C10orf90: variants seen among roughly 807,000 people sequenced by gnomAD.
C10orf90 encodes the protein (E2-independent) E3 ubiquitin-conjugating enzyme FATS.
A neutral mutation model predicts 62.5 loss-of-function variants in C10orf90; 56 were observed. The ratio of observed to expected loss-of-function variants is 0.90; its 90% CI spans 0.72 to 1.12. The LOEUF (loss-of-function observed/expected upper bound fraction) is 1.12. C10orf90 is among the 50% of genes most tolerant of loss of function. The pLI, the probability that C10orf90 is intolerant of heterozygous loss-of-function variation, is 0.00. For synonymous variants in C10orf90, 386 were observed against 340.4 expected, an observed-to-expected ratio of 1.13 and a Z score of -1.47; for missense variants, 970 against 880.4, an observed-to-expected ratio of 1.10 and a Z score of -1.29.
chr10:126,663,033 T>C (rs918686334), intron 1 of C10orf90, among the ~76,000 whole-genome samples: 3 of 152,304 alleles, frequency 2.0e-5, no homozygotes, highest in African/African-American at 7.2e-5. Flanking sequence ...TAATACATAT[T>C]TGTTACAAGA....
At chr10:126,658,160 G>C (rs942683131) in intron 1 of C10orf90, among the ~76,000 whole-genome samples, 3 of 152,158 alleles carry the variant, frequency 2.0e-5, no homozygotes, top group African/African-American at 7.2e-5. Flanking sequence ...ATGAGGTCCC[G>C]CTTCCCATTG....
chr10:126,571,242 T>G (rs2134003872), intron 2 of C10orf90, among the ~76,000 whole-genome samples: 1 of 152,344 alleles, frequency 6.6e-6, no homozygotes, highest in South Asian at 2.1e-4. Flanking sequence ...ATGCAGTCAC[T>G]TTTCAAAGAC....
intron 4 of C10orf90, among the ~76,000 whole-genome samples, chr10:126,471,118 T>C (rs1295277608): frequency 6.6e-6 from 1 of 152,096 alleles, no homozygotes; most frequent in East Asian, 1.9e-4. Flanking sequence ...GCAGAGAGGA[T>C]GGAAGCAGTG....
chr10:126,493,920 C>G (rs1861897739), intron 4 of C10orf90, among the ~76,000 whole-genome samples: 1 of 152,214 alleles, frequency 6.6e-6, no homozygotes, highest in Non-Finnish European at 1.5e-5. Context: ...AACACTGTGA[C>G]ATTCAATGGA....
chr10:126,603,938 T>A (rs1845253005), intron 2 of C10orf90, among the ~76,000 whole-genome samples: 1 of 152,020 alleles, frequency 6.6e-6, no homozygotes, highest in Non-Finnish European at 1.5e-5. Context: ...CCAGAGGCCC[T>A]CCCCTTCGAC....
chr10:126,565,664 A>G (rs1279499508), intron 2 of C10orf90, among the ~76,000 whole-genome samples: 3 of 151,644 alleles, frequency 2.0e-5, no homozygotes, highest in Non-Finnish European at 2.9e-5. Context: ...TTGTTGTTTG[A>G]ACAAATTGGA....
At chr10:126,601,804 G>A (rs560778796) in intron 2 of C10orf90, among the ~76,000 whole-genome samples, 1 of 152,386 alleles carries the variant, frequency 6.6e-6, no homozygotes, top group South Asian at 2.1e-4. Flanking sequence ...CCTGGATGCC[G>A]GTGGAGGGAG....
At chr10:126,648,482 A>G (rs773665074) in intron 1 of C10orf90, among the ~76,000 whole-genome samples, 5 of 152,222 alleles carry the variant, frequency 3.3e-5, no homozygotes, top group Non-Finnish European at 7.3e-5. Flanking sequence ...ACTAAGTATC[A>G]TTATTTGGCT....
intron 2 of C10orf90, among the ~76,000 whole-genome samples, chr10:126,557,175 A>G (rs1370716955): frequency 6.6e-6 from 1 of 152,022 alleles, no homozygotes; most frequent in Non-Finnish European, 1.5e-5. Context: ...GCCCATACTC[A>G]CCATTCAGAT....
chr10:126,463,099 A>T (rs1044783818), intron 5 of C10orf90: 1 of 134,780 alleles, frequency 7.4e-6, no homozygotes, highest in African/African-American at 2.9e-5. Flanking sequence ...GCCTTCTGCC[A>T]CACTGTTTCC....
intron 2 of C10orf90, among the ~76,000 whole-genome samples, chr10:126,575,052 G>GA (rs1177505352): frequency 6.6e-6 from 1 of 151,976 alleles, no homozygotes. Flanking sequence ...CATTAGAAAG[G>GA]AAAAAATGAA....
chr10:126,526,078 AAG>A (rs1317595055), intron 2 of C10orf90, among the ~76,000 whole-genome samples: 1 of 150,010 alleles, frequency 6.7e-6, no homozygotes, highest in Non-Finnish European at 1.5e-5. Flanking sequence ...AGCAGAGGCA[AAG>A]AGGGGCAGGG....
At chr10:126,447,835 T>C (rs1359181476) in intron 7 of C10orf90, among the ~76,000 whole-genome samples, 1 of 48,244 alleles carries the variant, frequency 2.1e-5, no homozygotes, top group African/African-American at 1.2e-4. Flanking sequence ...AAGTATCTTT[T>C]CGTTGTTGTT....
At chr10:126,599,436 G>A (rs1354887531) in intron 2 of C10orf90, among the ~76,000 whole-genome samples, 12 of 151,186 alleles carry the variant, frequency 7.9e-5, no homozygotes, top group Non-Finnish European at 1.0e-4. Context: ...TCCTGACCTC[G>A]TGATCCACCT....
In C10orf90 at chr10:126,499,092, G is replaced by T. The variant is rs191767205; in HGVS notation, c.1534+4865C>A. ...GCAGGCCAAATCTGGCCCACTGCTTGTTAGTGTAAATAAAGTTTTATTGGC... is the reference window on the plus strand; with the variant it reads ...GCAGGCCAAATCTGGCCCACTGCTTTTTAGTGTAAATAAAGTTTTATTGGC... On this transcript the variant is annotated intron_variant, in intron 4 of 9. Transcript: ENST00000488181. 3.1e-3 allele frequency among the ~76,000 whole-genome samples: 469 copies of T among 152,340 alleles called. 2 individuals carry two copies. Among genetic ancestry groups the T allele is most frequent in the African/African-American group, 0.011 (452 of 41,596 alleles).
chr10:126,425,617 C>A lies in C10orf90; in HGVS notation c.*247G>T, dbSNP rs1371247365. On this transcript the variant is annotated 3_prime_UTR_variant, in exon 10 of 10. Transcript: ENST00000488181. ...TTTAGAAGCAAAAACATTAAGGGGACTGTATCCAGTGGGTTACATGGAGGT... is the reference window on the plus strand; with the variant it reads ...TTTAGAAGCAAAAACATTAAGGGGAATGTATCCAGTGGGTTACATGGAGGT... 2 of 534,424 alleles carry A rather than the reference C, an allele frequency of 3.7e-6. No homozygotes were observed. The highest frequency in any genetic ancestry group is 6.5e-6 in the Non-Finnish European group (2 of 307,078). The allele number at this position is 534,424 out of a possible 1,614,324, so 33.1% of individuals were successfully genotyped here.
chr10:126,557,345 G>A (rs1258801170), intron 2 of C10orf90, among the ~76,000 whole-genome samples: 1 of 151,932 alleles, frequency 6.6e-6, no homozygotes, highest in Non-Finnish European at 1.5e-5. Flanking sequence ...GCTGGGTGTG[G>A]TGGCGGCGCC....
chr10:126,639,688 T>C lies in C10orf90; in HGVS notation c.313+6877A>G, dbSNP rs74158854. Among the ~76,000 whole-genome samples, 509 of 152,354 alleles carry C rather than the reference T, an allele frequency of 3.3e-3. 3 individuals are homozygous for C. The highest frequency in any genetic ancestry group is 0.012 in the African/African-American group (497 of 41,588). ...GGCAGTAACTGAGCATTCATGCTTT[T>C]GAGAGGAAGCTGTAAAATCTGGCTG... On this transcript the variant is annotated intron_variant, in intron 2 of 9. Transcript: ENST00000488181.
At chr10:126,580,789 T>C (rs934294430) in intron 2 of C10orf90, among the ~76,000 whole-genome samples, 2 of 152,032 alleles carry the variant, frequency 1.3e-5, no homozygotes, top group African/African-American at 4.8e-5. Flanking sequence ...TGTGTCTATG[T>C]GTGGTGTGTG....
Sources: allele counts gnomAD v4.1 joint callset (sites outside exome capture counted in the v4.1 genomes callset), GRCh38; gene constraint gnomAD v4.1.1; transcripts MANE v1.5; gene names NCBI Gene and HGNC (gene_info 2026-07-23, HGNC 2026-07-21).